CLIP2: variants seen among roughly 807,000 people sequenced by gnomAD.
CLIP2 encodes CAP-Gly domain-containing linker protein 2.
CLIP2 carries 41 observed loss-of-function variants against 111.7 expected under a neutral mutation model. The observed-to-expected ratio is 0.37, with a 90% CI of 0.29 to 0.48. The LOEUF is 0.48. CLIP2 is among the 20% of genes least tolerant of loss of function. The pLI is 0.99. For synonymous variants in CLIP2, 660 were observed against 644.2 expected, an observed-to-expected ratio of 1.02 and a Z score of -0.37; for missense variants, 1,160 against 1,422.1, an observed-to-expected ratio of 0.82 and a Z score of 2.96.
intron 8 of CLIP2, among the ~76,000 whole-genome samples, chr7:74,366,715 G>A (rs1204649803): frequency 6.6e-6 from 1 of 151,904 alleles, no homozygotes; most frequent in Non-Finnish European, 1.5e-5. Context: ...CGTCTCTACT[G>A]AAAATACAAA....
chr7:74,357,664 C>G (rs560500784), intron 6 of CLIP2, among the ~76,000 whole-genome samples, 187 bp downstream of exon 6: 1 of 152,236 alleles, frequency 6.6e-6, no homozygotes, highest in South Asian at 2.1e-4. Context: ...GTCTTTTCTG[C>G]CTATGTATAA....
At chr7:74,346,435 C>T (rs1584346392) in intron 3 of CLIP2, among the ~76,000 whole-genome samples, 1 of 152,138 alleles carries the variant, frequency 6.6e-6, no homozygotes, top group Non-Finnish European at 1.5e-5. Context: ...GTTTAAAAGT[C>T]TTTGCATCTG....
At chr7:74,298,356 G>A (rs868949942) in intron 1 of CLIP2, among the ~76,000 whole-genome samples, 1 of 109,624 alleles carries the variant, frequency 9.1e-6, no homozygotes, top group Admixed American at 1.0e-4. Flanking sequence ...CTGCTAATTG[G>A]TTTTTTTTTT....
chr7:74,317,390 C>A, intron 1 of CLIP2, 90 bp from the exon 2 acceptor site: 1 of 912,528 alleles, frequency 1.1e-6, no homozygotes, highest in Non-Finnish European at 1.5e-6. Flanking sequence ...TCCAGCCCAC[C>A]TCAGGAGGGA....
chr7:74,390,164 AGAAAGAAAGAAAG>A (rs200867424), intron 13 of CLIP2, among the ~76,000 whole-genome samples: 195 of 106,674 alleles, frequency 1.8e-3, no homozygotes, highest in African/African-American at 6.8e-3. Context: ...GAAAGAAAGA[AGAAAGAAAGAAAG>A]AAAGAAAGAA....
rs781796266 is a variant in CLIP2 at position 74,389,215 on chromosome 7, G to A, written c.2676G>A (p.Ser892=). 24 of 1,611,496 alleles carry A rather than the reference G, an allele frequency of 1.5e-5. No individual in the cohort carries two copies. Among genetic ancestry groups the A allele is most frequent in the East Asian group, 4.5e-5 (2 of 44,766 alleles). Reference sequence around the variant, plus strand: ...TGTCCCGGAAGACCCATGACGCCTCGGGCCAGCTAGTCCTCATCAGCCAGG... The same window carrying A: ...TGTCCCGGAAGACCCATGACGCCTCAGGCCAGCTAGTCCTCATCAGCCAGG... ...ETVSRKTHDA[S]GQLVLISQEL... is the part of the protein sequence containing the mutation. The change falls in exon 13 of 17, where the codon TCG becomes TCA. Residue 892 remains serine, a synonymous_variant. Transcript: ENST00000223398.
At chr7:74,359,652 G>C (rs1343260473) in intron 6 of CLIP2, among the ~76,000 whole-genome samples, 17 of 152,124 alleles carry the variant, frequency 1.1e-4, no homozygotes, top group Admixed American at 1.1e-3. Flanking sequence ...ACTGCACCCG[G>C]CCCATTTCAG....
chr7:74,346,743 CAAAA>C (rs1789809270), intron 3 of CLIP2, among the ~76,000 whole-genome samples: 2 of 48,604 alleles, frequency 4.1e-5, no homozygotes, highest in South Asian at 7.3e-4. Context: ...AAAAAAAAAA[CAAAA>C]CACTGGCCAT....
intron 3 of CLIP2, among the ~76,000 whole-genome samples, chr7:74,340,615 A>G (rs1411630898): frequency 2.0e-5 from 3 of 152,142 alleles, no homozygotes; most frequent in African/African-American, 7.2e-5. Context: ...CAAGTCTTCT[A>G]GAGTCTGAAT....
intron 2 of CLIP2, among the ~76,000 whole-genome samples, chr7:74,333,904 G>A (rs1289905913): frequency 6.6e-6 from 1 of 152,340 alleles, no homozygotes; most frequent in East Asian, 1.9e-4. Context: ...CCCACAGGGA[G>A]CTCCCAAACA....
At chr7:74,325,110 C>T (rs549112434) in intron 2 of CLIP2, among the ~76,000 whole-genome samples, 1 of 152,304 alleles carries the variant, frequency 6.6e-6, no homozygotes, top group East Asian at 1.9e-4. Context: ...AAAACATGAG[C>T]TCAGCCTCCG....
At chr7:74,399,112 C>CAGTGCTGAAGGATGGAGTTTGGGA (rs1230926614) in intron 14 of CLIP2, among the ~76,000 whole-genome samples, 2 of 152,170 alleles carry the variant, frequency 1.3e-5, no homozygotes, top group Non-Finnish European at 2.9e-5. Flanking sequence ...CAGGACTGGG[C>CAGTGCTGAAGGATGGAGTTTGGGA]AGTGCTGAAG....
intron 8 of CLIP2, among the ~76,000 whole-genome samples, chr7:74,365,402 C>T (rs1226610811): frequency 1.3e-5 from 2 of 152,142 alleles, no homozygotes; most frequent in African/African-American, 4.8e-5. Flanking sequence ...TACTCAGGGT[C>T]TCCTTCCGAT....
At chr7:74,363,550 G>C (rs541773185) in intron 7 of CLIP2, among the ~76,000 whole-genome samples, 1 of 152,188 alleles carries the variant, frequency 6.6e-6, no homozygotes, top group Non-Finnish European at 1.5e-5. Flanking sequence ...CCTCCCCACA[G>C]GTTGTTCCTT....
intron 1 of CLIP2, among the ~76,000 whole-genome samples, chr7:74,310,541 A>C (rs1467787009): frequency 6.6e-6 from 1 of 152,054 alleles, no homozygotes; most frequent in Non-Finnish European, 1.5e-5. Flanking sequence ...AATAAAATTA[A>C]AATGAAAAAC....
At chr7:74,319,488 A>G (rs534601257) in intron 2 of CLIP2, among the ~76,000 whole-genome samples, 16 of 152,246 alleles carry the variant, frequency 1.1e-4, no homozygotes, top group Non-Finnish European at 1.8e-4. Flanking sequence ...AGCCTGGGCA[A>G]CAGAACAAGA....
intron 1 of CLIP2, among the ~76,000 whole-genome samples, chr7:74,308,631 A>G (rs1288080105): frequency 6.6e-6 from 1 of 151,942 alleles, no homozygotes; most frequent in Non-Finnish European, 1.5e-5. Context: ...CCACCTCCCA[A>G]GTAGCTGGAA....
At chr7:74,387,233 TTCTC>T (rs1372429843) in intron 12 of CLIP2, among the ~76,000 whole-genome samples, 11 of 150,866 alleles carry the variant, frequency 7.3e-5, no homozygotes, top group African/African-American at 2.7e-4. Context: ...ACTTTCTGGT[TTCTC>T]TCTCTCTCTC....
At chr7:74,348,776 C>T (rs370883501) in intron 3 of CLIP2, among the ~76,000 whole-genome samples, 5 of 128,008 alleles carry the variant, frequency 3.9e-5, no homozygotes, top group African/African-American at 8.7e-5. Context: ...GGCAACAGAG[C>T]GAGACTCTGT....
Sources: allele counts gnomAD v4.1 joint callset (sites outside exome capture counted in the v4.1 genomes callset), GRCh38; gene constraint gnomAD v4.1.1; transcripts MANE v1.5; gene names NCBI Gene and HGNC (gene_info 2026-07-23, HGNC 2026-07-21).